The following PAPSS2 variants were observed in gnomAD, a reference collection of about 807,000 sequenced individuals.
PAPSS2 encodes the protein 3'-phosphoadenosine 5'-phosphosulfate synthase 2, also known as bifunctional 3'-phosphoadenosine 5'-phosphosulfate synthase 2.
In PAPSS2, 61 loss-of-function variants were observed where a neutral mutation model predicts 66.5. That is an observed-to-expected ratio of 0.92 (90% confidence interval 0.75 to 1.14). The LOEUF is 1.14. Ranked by LOEUF, PAPSS2 falls within the 50% of genes most tolerant of loss-of-function variation. The pLI, the probability that PAPSS2 is intolerant of heterozygous loss-of-function variation, is 0.00. For missense variants in PAPSS2, 708 were observed against 789.6 expected (o/e 0.90, Z 1.24); for synonymous variants, 289 against 287.5 (o/e 1.01, Z -0.05).
At chr10:87,702,832 A>C (rs1853334509) in intron 1 of PAPSS2, among the ~76,000 whole-genome samples, 1 of 150,888 alleles carries the variant, frequency 6.6e-6, no homozygotes, top group Admixed American at 6.6e-5. Context: ...CTTCCATGAC[A>C]CTCCTCCCTG....
At chr10:87,688,181 T>C (rs889796106) in intron 1 of PAPSS2, among the ~76,000 whole-genome samples, 5 of 151,942 alleles carry the variant, frequency 3.3e-5, no homozygotes, top group African/African-American at 1.2e-4. Context: ...AAAAAGCTAA[T>C]TAATATATAA....
chr10:87,686,659 A>G (rs1853093322), intron 1 of PAPSS2, among the ~76,000 whole-genome samples: 1 of 152,232 alleles, frequency 6.6e-6, no homozygotes, highest in Non-Finnish European at 1.5e-5. Context: ...CAATTTCAGA[A>G]CTGGTTGTCG....
intron 1 of PAPSS2, among the ~76,000 whole-genome samples, chr10:87,707,418 A>G (rs1394843253): frequency 6.6e-6 from 1 of 152,126 alleles, no homozygotes; most frequent in African/African-American, 2.4e-5. Context: ...ATTCACATTT[A>G]TAGAGAACTT....
At chr10:87,662,868 T>TTTTC (rs1158209896) in intron 1 of PAPSS2, among the ~76,000 whole-genome samples, 3 of 151,608 alleles carry the variant, frequency 2.0e-5, no homozygotes, top group African/African-American at 7.3e-5. Flanking sequence ...TCCTTATTTA[T>TTTTC]TTTCTTTCTT....
At chr10:87,704,268 A>C (rs1853354329) in intron 1 of PAPSS2, among the ~76,000 whole-genome samples, 1 of 152,242 alleles carries the variant, frequency 6.6e-6, no homozygotes, top group Non-Finnish European at 1.5e-5. Flanking sequence ...AAAGACCAAA[A>C]GTTCAGAGAT....
At chr10:87,744,250 G>C (rs1037796907) in intron 11 of PAPSS2, among the ~76,000 whole-genome samples, 1 of 152,200 alleles carries the variant, frequency 6.6e-6, no homozygotes, top group Non-Finnish European at 1.5e-5. Context: ...TTCAATTTCA[G>C]AAGTTCCAGT....
chr10:87,738,821 G>A lies in PAPSS2; in HGVS notation c.1087-2414G>A, dbSNP rs963285784. ...GCATCTTACATGCTTTTGGCCATTT[G>A]TAGATCATCTCAAGTTATGTCTATT... On this transcript the variant is annotated intron_variant, in intron 9 of 12. Coordinates refer to ENST00000456849, the MANE Select transcript of PAPSS2 (RefSeq NM_001015880.2). 1.1e-3 allele frequency among the ~76,000 whole-genome samples: 162 copies of A among 152,286 alleles called. 3 individuals carry two copies. Among genetic ancestry groups the A allele is most frequent in the Non-Finnish European group, 5.3e-4 (36 of 68,028 alleles).
intron 1 of PAPSS2, chr10:87,704,179 C>T: frequency 5.3e-6 from 2 of 374,602 alleles, no homozygotes; most frequent in Non-Finnish European, 1.0e-5. Flanking sequence ...CCAAAAGAGC[C>T]CAGTACCTGG....
intron 1 of PAPSS2, among the ~76,000 whole-genome samples, chr10:87,701,980 A>G (rs1328133859): frequency 1.3e-5 from 2 of 152,256 alleles, no homozygotes; most frequent in Non-Finnish European, 2.9e-5. Context: ...AACTGGCAGT[A>G]TACAATGAGA....
rs990322288 is a variant in PAPSS2, at chr10:87,703,454, C to A, written c.28-5742C>A. ...TAGAATTCAAACTACCATCACTTCTCCAGACTAGATTAAATGCCACCTGGA... is the reference window on the plus strand; with the variant it reads ...TAGAATTCAAACTACCATCACTTCTACAGACTAGATTAAATGCCACCTGGA... On this transcript the variant is annotated intron_variant, in intron 1 of 12. Transcript: ENST00000456849. Among the ~76,000 whole-genome samples the A allele has an allele frequency of 2.6e-5, 4 of 152,090 alleles. No individual in the cohort carries two copies. The East Asian group carries it at 7.7e-4, about 29-fold the overall frequency.
chr10:87,716,722 A>G (rs1330546536), intron 7 of PAPSS2, among the ~76,000 whole-genome samples: 1 of 152,158 alleles, frequency 6.6e-6, no homozygotes, highest in Non-Finnish European at 1.5e-5. Context: ...TCAAAGACTG[A>G]TCAGCATGGG....
At chr10:87,717,862 A>G (rs755366574) in intron 7 of PAPSS2, among the ~76,000 whole-genome samples, 1 of 152,128 alleles carries the variant, frequency 6.6e-6, no homozygotes, top group Non-Finnish European at 1.5e-5. Context: ...AAGTGCTATT[A>G]TAGACAACAA....
intron 1 of PAPSS2, among the ~76,000 whole-genome samples, chr10:87,684,968 C>T (rs536042178): frequency 1.0e-3 from 158 of 152,264 alleles, no homozygotes; most frequent in African/African-American, 3.7e-3. Context: ...AAAGGACTGC[C>T]TCTGAAGGAA....
chr10:87,693,799 G>A (rs1435805072), intron 1 of PAPSS2, among the ~76,000 whole-genome samples: 1 of 152,206 alleles, frequency 6.6e-6, no homozygotes, highest in Non-Finnish European at 1.5e-5. Context: ...TTTTACAAAT[G>A]CATTTGTGAA....
chr10:87,745,093 A>G lies in PAPSS2; in HGVS notation c.1583A>G (p.Lys528Arg), dbSNP rs1251749345. The G allele has an allele frequency of 1.2e-5, 19 of 1,614,042 alleles. No homozygotes were observed. Among genetic ancestry groups the G allele is most frequent in the Non-Finnish European group, 1.5e-5 (18 of 1,180,010 alleles). Residue 528 changes from lysine (K) to arginine (R), a missense_variant, in exon 12 of 13, where the codon AAG (lysine) becomes AGG (arginine). Physicochemically the swap from Lys to Arg is conservative, Grantham distance 26 (BLOSUM62 2). Coordinates refer to ENST00000456849, the MANE Select transcript of PAPSS2 (RefSeq NM_001015880.2). ...GCAGGAATGCCCCATCCTGAAACCA[A>G]GAAGGATCTGTATGAACCCACTCAT... The part of the protein sequence containing the change: ...DPAGMPHPET[K>R]KDLYEPTHGG...
At chr10:87,744,717 A>G (rs1336766814) in intron 11 of PAPSS2, among the ~76,000 whole-genome samples, 4 of 152,222 alleles carry the variant, frequency 2.6e-5, no homozygotes, top group African/African-American at 9.6e-5. Context: ...TCTGTAGAAT[A>G]GTAAGATTTG....
chr10:87,738,417 A>G (rs12768178), intron 9 of PAPSS2, among the ~76,000 whole-genome samples: 4 of 94,120 alleles, frequency 4.2e-5, no homozygotes, highest in Admixed American at 9.9e-5. Context: ...GTGTGTGTGT[A>G]TGTGTGTGTG....
chr10:87,739,631 G>C (rs945771377), intron 9 of PAPSS2, among the ~76,000 whole-genome samples: 2 of 152,200 alleles, frequency 1.3e-5, no homozygotes, highest in Non-Finnish European at 2.9e-5. Flanking sequence ...GACCTTTCTA[G>C]AGAATCCCCA....
chr10:87,737,540 G>T (rs182518374), intron 9 of PAPSS2, among the ~76,000 whole-genome samples: 2 of 152,072 alleles, frequency 1.3e-5, no homozygotes, highest in South Asian at 4.1e-4. Flanking sequence ...CAACTCCCGC[G>T]GTCAGGCATG....
Sources: allele counts gnomAD v4.1 joint callset (sites outside exome capture counted in the v4.1 genomes callset), GRCh38; gene constraint gnomAD v4.1.1; transcripts MANE v1.5; gene names NCBI Gene and HGNC (gene_info 2026-07-23, HGNC 2026-07-21).